Variants in STK32C observed in about 807,000 individuals in gnomAD.
STK32C encodes serine/threonine-protein kinase 32C.
STK32C carries 31 observed loss-of-function variants against 56.5 expected under a neutral mutation model. The observed-to-expected ratio is 0.55, with a 90% CI of 0.41 to 0.74. STK32C has a LOEUF of 0.74. STK32C is among the 30% of genes least tolerant of loss of function. STK32C has a pLI of 0.00. For missense variants in STK32C, 544 were observed against 676.9 expected (o/e 0.80, Z 2.18); for synonymous variants, 309 against 289.4 (o/e 1.07, Z -0.69).
rs57807651 is a variant in STK32C at position 132,276,055 on chromosome 10, C to T, written c.263-30100G>A. ...ACACCACCAGGCTGCCACCCGGTGACGCCAGACCCACATGCGAGGCTTCCC... is the reference window on the plus strand; with the variant it reads ...ACACCACCAGGCTGCCACCCGGTGATGCCAGACCCACATGCGAGGCTTCCC... On this transcript the variant is annotated intron_variant, in intron 1 of 11. Coordinates refer to ENST00000298630, the MANE Select transcript of STK32C (RefSeq NM_173575.4). 9.1e-3 allele frequency among the ~76,000 whole-genome samples: 1,385 copies of T among 152,244 alleles called. 19 individuals are homozygous for T. Among genetic ancestry groups the T allele is most frequent in the African/African-American group, 0.029 (1,211 of 41,522 alleles).
Position 132,307,747 on chromosome 10 carries a change from G to C in STK32C, c.87C>G (p.Ser29=). Reference sequence around the variant, plus strand: ...GCGGCGGCAGGGCCGAGGGCGCGTCGGAGCCGGCGGGGCGCGCGCGGCCGG... The same window carrying C: ...GCGGCGGCAGGGCCGAGGGCGCGTCCGAGCCGGCGGGGCGCGCGCGGCCGG... ...PPPGRARPAG[S]DAPSALPPPA... The change falls in exon 1 of 12, where the codon TCC becomes TCG. Residue 29 remains serine, a synonymous_variant. Transcript: ENST00000298630. This position sits in a 1 kb window ranked among gnomAD's most constrained non-coding sequence, Gnocchi z 4.4. 2 of 1,046,452 alleles carry C rather than the reference G, an allele frequency of 1.9e-6. No homozygotes were observed. The highest frequency in any genetic ancestry group is 2.3e-6 in the Non-Finnish European group (2 of 870,914). 64.8% of individuals were successfully genotyped at this position (1,046,452 alleles called of 1,614,324 possible). A position where few individuals can be genotyped will look rare whatever the true frequency, so the allele number is the denominator to read the frequency against.
At chr10:132,305,311 G>A (rs1216718819) in intron 1 of STK32C, among the ~76,000 whole-genome samples, 1 of 152,162 alleles carries the variant, frequency 6.6e-6, no homozygotes, top group East Asian at 1.9e-4. Flanking sequence ...AGGAACAGAG[G>A]ACATTTAGTC....
rs199670071 is a variant in STK32C, at chr10:132,228,048, G to A, written c.399C>T (p.Asp133=). ...GCTCCCGGAAGACGTTGCGGACCTC[G>A]TCGCGCTCGATGCACTGCTGCTTGT... ...YMNKQQCIER[D]EVRNVFRELE... The change falls in exon 3 of 12, where the codon GAC becomes GAT. Residue 133 remains aspartate, a synonymous_variant. Coordinates refer to ENST00000298630, the MANE Select transcript of STK32C (RefSeq NM_173575.4). 1.8e-5 allele frequency: 29 copies of A among 1,613,828 alleles called. No individual in the cohort carries two copies. Among genetic ancestry groups the A allele is most frequent in the Middle Eastern group, 1.6e-4 (1 of 6,084 alleles).
At chr10:132,311,023 G>GT (rs2066210002), upstream of STK32C, among the ~76,000 whole-genome samples, 1 of 152,154 alleles carries the variant, frequency 6.6e-6, no homozygotes, top group African/African-American at 2.4e-5. The surrounding 1 kb of genome is among the most constrained non-coding windows in gnomAD (Gnocchi z 4.4). Context: ...GCTGGGGGTG[G>GT]TTTGGGGGAC....
At chr10:132,293,989 G>A (rs2065654505) in intron 1 of STK32C, among the ~76,000 whole-genome samples, 1 of 152,158 alleles carries the variant, frequency 6.6e-6, no homozygotes, top group African/African-American at 2.4e-5. Context: ...GGGCCTTCAG[G>A]CGGGGCCAGC....
At chr10:132,318,956 GT>G (rs773215896) in intron 1 of STK32C, among the ~76,000 whole-genome samples, 1 of 151,748 alleles carries the variant, frequency 6.6e-6, no homozygotes, top group Non-Finnish European at 1.5e-5. Context: ...TTTGTTTTTT[GT>G]TTTGTTTTGA....
chr10:132,224,901 A>C (rs1212092202), intron 7 of STK32C, among the ~76,000 whole-genome samples: 2 of 152,180 alleles, frequency 1.3e-5, no homozygotes, highest in African/African-American at 4.8e-5. Flanking sequence ...CGTGGCCACA[A>C]GGGTAAGAGC....
At chr10:132,331,676 G>A (rs751025552) in exon 1 of STK32C, 2 of 1,612,762 alleles carry the variant, frequency 1.2e-6, no homozygotes, top group East Asian at 4.5e-5. Context: ...TTTCTGCTCG[G>A]CTGTCCTCGA....
Position 132,222,725 on chromosome 10 carries a change from G to A in STK32C, c.1167C>T (p.Ile389=), listed in dbSNP as rs778038832. The change falls in exon 10 of 12, where the codon ATC becomes ATT. Residue 389 remains isoleucine, a synonymous_variant. Transcript: ENST00000298630. The stretch of plus-strand genomic sequence containing the variant: ...TCTTGTGCAGGGGCCTGGACTCCAG[G>A]ATCATCTCCTCCAGCTCAAAGGTGG... ...CDPTFELEEM[I]LESRPLHKKK... 14 of 1,610,800 alleles carry A rather than the reference G, an allele frequency of 8.7e-6. 1 individual carries two copies. The South Asian group carries it at 1.4e-4, about 17-fold the overall frequency.
chr10:132,258,419 A>AC (rs1341138907), intron 1 of STK32C, among the ~76,000 whole-genome samples: 1 of 151,792 alleles, frequency 6.6e-6, no homozygotes, highest in East Asian at 1.9e-4. Flanking sequence ...GCCCCCCATC[A>AC]CCCCCCACGG....
At chr10:132,324,724 T>C (rs982649906) in intron 1 of STK32C, among the ~76,000 whole-genome samples, 1 of 152,244 alleles carries the variant, frequency 6.6e-6, no homozygotes, top group African/African-American at 2.4e-5. Flanking sequence ...TGAGTGACCA[T>C]GGCCCAAGGC....
chr10:132,284,934 T>C (rs1252713078), intron 1 of STK32C, among the ~76,000 whole-genome samples: 2 of 137,060 alleles, frequency 1.5e-5, no homozygotes, highest in Admixed American at 1.4e-4. Context: ...CAGAACACAT[T>C]CCCACGTCTG....
At chr10:132,221,542 T>C (rs1441123950) in intron 10 of STK32C, among the ~76,000 whole-genome samples, 1 of 135,478 alleles carries the variant, frequency 7.4e-6, no homozygotes, top group Non-Finnish European at 1.6e-5. Flanking sequence ...CCTGGGCAAG[T>C]GTGAGGGCTT....
intron 8 of STK32C, among the ~76,000 whole-genome samples, chr10:132,223,950 CT>C (rs908076396): frequency 7.2e-5 from 11 of 152,344 alleles, no homozygotes; most frequent in African/African-American, 2.6e-4. Flanking sequence ...CTGATGTCCC[CT>C]GAGAGGTGTT....
At chr10:132,247,332 C>A (rs937965669) in intron 1 of STK32C, among the ~76,000 whole-genome samples, 1 of 152,188 alleles carries the variant, frequency 6.6e-6, no homozygotes, top group Admixed American at 6.5e-5. Flanking sequence ...CCCAGGGCAC[C>A]CCAGGATAGC....
intron 1 of STK32C, among the ~76,000 whole-genome samples, chr10:132,260,271 C>T (rs1293979944): frequency 6.6e-6 from 1 of 152,196 alleles, no homozygotes; most frequent in Non-Finnish European, 1.5e-5. Context: ...GGGGAATGTA[C>T]CAAAGCCCAC....
intron 1 of STK32C, among the ~76,000 whole-genome samples, chr10:132,298,380 T>C (rs1186427891): frequency 6.6e-6 from 1 of 152,246 alleles, no homozygotes; most frequent in Non-Finnish European, 1.5e-5. Context: ...TGCCCCAATG[T>C]GGGGCCCAGT....
At chr10:132,234,114 C>G (rs1016517428) in intron 2 of STK32C, among the ~76,000 whole-genome samples, 8 of 152,306 alleles carry the variant, frequency 5.3e-5, no homozygotes, top group Middle Eastern at 3.4e-3. Flanking sequence ...CGTGGACTCT[C>G]CCACTTGGGG....
rs116689002 is a variant in STK32C at position 132,293,753 on chromosome 10, C to T, written c.262+13819G>A. On this transcript the variant is annotated intron_variant, in intron 1 of 11. Coordinates refer to ENST00000298630, the MANE Select transcript of STK32C (RefSeq NM_173575.4). ...CTGAAGAACAGAGCCAGGAGCCCAG[C>T]AGGTGGGAGGTCCAGCAGACTGGGC... Among the ~76,000 whole-genome samples, 1,306 of 152,248 alleles carry T rather than the reference C, an allele frequency of 8.6e-3. 15 individuals are homozygous for T. Among genetic ancestry groups the T allele is most frequent in the African/African-American group, 0.029 (1,217 of 41,548 alleles).
Sources: allele counts gnomAD v4.1 joint callset (sites outside exome capture counted in the v4.1 genomes callset), GRCh38; gene constraint gnomAD v4.1.1; non-coding constraint Gnocchi (gnomAD v3.1); transcripts MANE v1.5; gene names NCBI Gene and HGNC (gene_info 2026-07-23, HGNC 2026-07-21).